KIF4A: variants seen among roughly 807,000 people sequenced by gnomAD.
KIF4A encodes kinesin family member 4A.
KIF4A carries 7 observed loss-of-function variants against 105.9 expected under a neutral mutation model. The ratio of observed to expected loss-of-function variants is 0.07; its 90% CI spans 0.04 to 0.12. The LOEUF (loss-of-function observed/expected upper bound fraction) is 0.12, where lower values mean the gene tolerates loss of function less well. KIF4A is among the 10% of genes least tolerant of loss of function. KIF4A has a pLI of 1.00. For missense variants in KIF4A, 558 were observed against 929.2 expected (o/e 0.60, Z 5.19); for synonymous variants, 281 against 331.3 (o/e 0.85, Z 1.65).
rs1156878006 is a variant in KIF4A at position 70,378,424 on chromosome X, A to C, written c.2034+2214A>C. On this transcript the variant is annotated intron_variant, in intron 18 of 30. Transcript: ENST00000374403. ...CCAAAGCTAGTAGATGAAAGGAAAC[A>C]TTAAAAGATTAGAGTAGAAATAGGC... Among the ~76,000 whole-genome samples the C allele has an allele frequency of 2.7e-5, 3 of 112,151 alleles. No homozygotes were observed. The East Asian group carries it at 8.3e-4, about 31-fold the overall frequency.
chrX:70,385,311 G>T (rs2086213644), intron 18 of KIF4A, among the ~76,000 whole-genome samples: 1 of 111,584 alleles, frequency 9.0e-6, no homozygotes, highest in African/African-American at 3.3e-5. Flanking sequence ...AGGGGATTAT[G>T]GAGTGACCAG....
chrX:70,386,990 A>G (rs1375923651), intron 19 of KIF4A, among the ~76,000 whole-genome samples, 194 bp from the exon 20 acceptor site: 1 of 112,029 alleles, frequency 8.9e-6, no homozygotes, highest in Admixed American at 9.5e-5. Context: ...AGTCTGCAGA[A>G]CTTCCTTGAA....
At chrX:70,371,499 C>T (rs2086132600) in intron 15 of KIF4A, among the ~76,000 whole-genome samples, 1 of 111,992 alleles carries the variant, frequency 8.9e-6, no homozygotes, top group Non-Finnish European at 1.9e-5. Context: ...GGTATACCTC[C>T]CAGACGGGGT....
intron 20 of KIF4A, among the ~76,000 whole-genome samples, chrX:70,387,697 A>G (rs2086222988): frequency 1.8e-5 from 2 of 111,544 alleles, no homozygotes; most frequent in South Asian, 7.5e-4. Flanking sequence ...GTGAAACCTC[A>G]TCTCTACTAA....
chrX:70,396,070 G>A lies in KIF4A; in HGVS notation c.2489+21G>A, dbSNP rs959246809. 3 of 1,080,043 alleles carry A rather than the reference G, an allele frequency of 2.8e-6. No individual in the cohort carries two copies. The African/African-American group carries it at 5.6e-5, about 20-fold the overall frequency. The allele number at this position is 1,080,043 out of a possible 1,213,427, so 89.0% of individuals were successfully genotyped here. A position where few individuals can be genotyped will look rare whatever the true frequency, so the allele number is the denominator to read the frequency against. On this transcript the variant is annotated intron_variant, in intron 22 of 30. Coordinates refer to ENST00000374403, the MANE Select transcript of KIF4A (RefSeq NM_012310.5). ...TTCAGGTAACAGGGACTATCTCTAAGCCATTATAAAAATTTATGCCTGGAA... is the reference window on the plus strand; with the variant it reads ...TTCAGGTAACAGGGACTATCTCTAAACCATTATAAAAATTTATGCCTGGAA...
intron 15 of KIF4A, among the ~76,000 whole-genome samples, chrX:70,368,146 A>G (rs1569243534): frequency 9.0e-6 from 1 of 111,384 alleles, no homozygotes; most frequent in Non-Finnish European, 1.9e-5. Flanking sequence ...CTAGTTAGCC[A>G]TTTGTCTAAT....
At chrX:70,405,557 G>A (rs1207661907) in intron 25 of KIF4A, among the ~76,000 whole-genome samples, 1 of 111,501 alleles carries the variant, frequency 9.0e-6, no homozygotes, top group Non-Finnish European at 1.9e-5. Flanking sequence ...TGAAGCTAAG[G>A]AATGGAAAAG....
At chrX:70,322,912 A>T (rs189884012) in intron 7 of KIF4A, among the ~76,000 whole-genome samples, 3 of 109,681 alleles carry the variant, frequency 2.7e-5, no homozygotes, top group African/African-American at 6.7e-5. Context: ...GCCATTAACC[A>T]ATCAGCAGCC....
chrX:70,330,043 G>A, intron 8 of KIF4A, 114 bp from the exon 9 acceptor site: 2 of 567,023 alleles, frequency 3.5e-6, no homozygotes, highest in Non-Finnish European at 5.5e-6. Context: ...AAAACACTAA[G>A]AACTTTTTCT....
chrX:70,336,888 C>T (rs953102353), intron 10 of KIF4A, among the ~76,000 whole-genome samples: 3 of 111,654 alleles, frequency 2.7e-5, no homozygotes, highest in Non-Finnish European at 5.6e-5. Flanking sequence ...TCTATACCCA[C>T]TAAACAATAA....
At chrX:70,415,786 G>GT (rs1416740116) in intron 28 of KIF4A, among the ~76,000 whole-genome samples, 4 of 106,716 alleles carry the variant, frequency 3.7e-5, no homozygotes, top group Non-Finnish European at 7.7e-5. Context: ...CATGAGTGAG[G>GT]TTTTTTATTG....
At chrX:70,324,634 C>T (rs1249318135) in intron 7 of KIF4A, among the ~76,000 whole-genome samples, 1 of 109,889 alleles carries the variant, frequency 9.1e-6, no homozygotes, top group African/African-American at 3.3e-5. Flanking sequence ...TTCTTTTTTT[C>T]AAAGTTTTAA....
At chrX:70,344,937 C>G (rs2085986480) in intron 13 of KIF4A, among the ~76,000 whole-genome samples, 1 of 111,627 alleles carries the variant, frequency 9.0e-6, no homozygotes, top group African/African-American at 3.3e-5. Flanking sequence ...AGTAAACTCC[C>G]CAAAGACTAT....
At chrX:70,360,155 G>A (rs939444019) in intron 15 of KIF4A, among the ~76,000 whole-genome samples, 5 of 111,864 alleles carry the variant, frequency 4.5e-5, no homozygotes, top group African/African-American at 1.6e-4. Flanking sequence ...TGGGGCACGC[G>A]GTTTTCACAC....
chrX:70,397,753 A>G (rs2086265627), intron 22 of KIF4A, among the ~76,000 whole-genome samples: 1 of 111,788 alleles, frequency 8.9e-6, no homozygotes, highest in Non-Finnish European at 1.9e-5. Flanking sequence ...ATACATACTA[A>G]CTTTATCTTG....
chrX:70,349,534 A>ACCGGGCGG, intron 13 of KIF4A, among the ~76,000 whole-genome samples: 1 of 88,259 alleles, frequency 1.1e-5, no homozygotes, highest in Non-Finnish European at 2.2e-5. Context: ...CACTACTCAG[A>ACCGGGCGG]CCGGGCAGCC....
intron 15 of KIF4A, among the ~76,000 whole-genome samples, chrX:70,367,130 G>T (rs746395309): frequency 8.1e-5 from 9 of 110,723 alleles, no homozygotes; most frequent in Admixed American, 7.7e-4. Context: ...CCTTTATTTT[G>T]AGCCTATGTG....
intron 27 of KIF4A, 107 bp from the exon 28 acceptor site, chrX:70,406,786 T>A: frequency 2.4e-6 from 2 of 845,132 alleles, no homozygotes; most frequent in Non-Finnish European, 3.4e-6. Flanking sequence ...GAGTCTGAAA[T>A]CTTTGCTCTG....
chrX:70,358,437 T>G (rs1377135097), intron 15 of KIF4A, among the ~76,000 whole-genome samples: 4 of 112,144 alleles, frequency 3.6e-5, no homozygotes, highest in African/African-American at 1.3e-4. Context: ...TGTCTTTTTA[T>G]TCCACTCTGA....
Sources: gnomAD v4.1 joint callset for allele counts (sites outside exome capture counted in the v4.1 genomes callset) on GRCh38, gnomAD v4.1.1 for gene constraint, MANE v1.5 for transcripts, NCBI Gene and HGNC (gene_info 2026-07-23, HGNC 2026-07-21) for gene names.